Variants in PIM1 observed in about 807,000 individuals in gnomAD.
The protein encoded by PIM1 is serine/threonine-protein kinase pim-1.
A neutral mutation model predicts 34.5 loss-of-function variants in PIM1; 9 were observed. The ratio of observed to expected loss-of-function variants is 0.26; its 90% CI spans 0.16 to 0.46. PIM1 has a LOEUF of 0.46. Ranked by LOEUF, PIM1 falls within the 20% of genes least tolerant of loss-of-function variation. PIM1 has a pLI of 1.00. For missense variants in PIM1, 274 were observed against 410.9 expected, an observed-to-expected ratio of 0.67 and a Z score of 2.88; for synonymous variants, 199 against 175.2, an observed-to-expected ratio of 1.14 and a Z score of -1.07.
chr6:37,171,301 G>C lies in PIM1; in HGVS notation c.417G>C (p.Leu139=). ...ACTTCATCACGGAAAGGGGAGCCCT[G>C]CAAGAGGAGCTGGCCCGCAGCTTCT... ...LFDFITERGA[L]QEELARSFFW... is the part of the protein sequence containing the mutation. The change falls in exon 4 of 6, where the codon CTG becomes CTC. Residue 139 remains leucine, a synonymous_variant. Coordinates refer to ENST00000373509, the MANE Select transcript of PIM1 (RefSeq NM_002648.4). The C allele has an allele frequency of 6.2e-7, 1 of 1,614,166 alleles. No individual in the cohort carries two copies. The highest frequency in any genetic ancestry group is 8.5e-7 in the Non-Finnish European group (1 of 1,180,042).
At chr6:37,171,968 A>G (rs1163116038) in intron 4 of PIM1, among the ~76,000 whole-genome samples, 2 of 151,058 alleles carry the variant, frequency 1.3e-5, no homozygotes, top group African/African-American at 4.9e-5. Context: ...TAGGAACTAT[A>G]TTATTACTGG....
intron 3 of PIM1, 41 bp from the exon 4 acceptor site, chr6:37,171,084 C>G (rs1293617793): frequency 1.9e-6 from 3 of 1,613,626 alleles, no homozygotes; most frequent in Admixed American, 1.7e-5. Context: ...GTGAGGGGCG[C>G]CCCCGACTCC....
At chr6:37,172,947 C>T (rs1458875546) in intron 4 of PIM1, 49 bp from the exon 5 acceptor site, 1 of 1,526,272 alleles carries the variant, frequency 6.6e-7, no homozygotes, top group Admixed American at 1.8e-5. Flanking sequence ...CTTCTTTGTG[C>T]TTGTTTTTGC....
rs774518045 is a variant in PIM1 at position 37,170,579 on chromosome 6, C to T, written c.4C>T (p.Leu2Phe). 2.5e-6 allele frequency: 4 copies of T among 1,613,086 alleles called. No individual in the cohort carries two copies. Among genetic ancestry groups the T allele is most frequent in the Admixed American group, 3.3e-5 (2 of 59,996 alleles). Reference sequence around the variant, plus strand: ...CGCCGACATCCTGGAGGTTGGGATGCTCTTGTCCAAAATCAACTCGCTTGC... The same window carrying T: ...CGCCGACATCCTGGAGGTTGGGATGTTCTTGTCCAAAATCAACTCGCTTGC... M[L>F]LSKINSLAHL... is the part of the protein sequence containing the mutation. The change falls in exon 1 of 6, where the codon CTC becomes TTC. Residue 2 changes from leucine to phenylalanine, a missense_variant. This residue lies in a region of PIM1 where 106 missense variants were observed against 111.5 expected (regional missense o/e 0.95). Transcript: ENST00000373509.
rs1343861789 is a variant in PIM1, at chr6:37,170,391, A to T, written c.-185A>T. The T allele has an allele frequency of 5.2e-6, 8 of 1,524,508 alleles. No homozygotes were observed. Among genetic ancestry groups the T allele is most frequent in the Non-Finnish European group, 7.0e-6 (8 of 1,141,798 alleles). The allele number at this position is 1,524,508 out of a possible 1,614,324, so 94.4% of individuals were successfully genotyped here. A position where few individuals can be genotyped will look rare whatever the true frequency, so the allele number is the denominator to read the frequency against. On this transcript the variant is annotated 5_prime_UTR_variant, in exon 1 of 6. Coordinates refer to ENST00000373509, the MANE Select transcript of PIM1 (RefSeq NM_002648.4). ...GCGCCCTCCCGCCGCCAGTCCCGGC[A>T]GCGCCCTCAGTTGTCCTCCGACTCG...
chr6:37,173,230 T>C (rs1370141600), intron 5 of PIM1, 58 bp downstream of exon 5: 2 of 1,498,178 alleles, frequency 1.3e-6, no homozygotes, highest in Non-Finnish European at 1.8e-6. Context: ...CTATTAGTCT[T>C]CATGGGACAG....
At position 37,170,593 on chromosome 6, in the gene PIM1, C is replaced by A; in HGVS notation, c.18C>A (p.Ile6=). The A allele has an allele frequency of 6.2e-7, 1 of 1,613,110 alleles. No individual in the cohort carries two copies. Among genetic ancestry groups the A allele is most frequent in the East Asian group, 2.2e-5 (1 of 44,822 alleles). The part of the protein sequence containing the change: MLLSK[I]NSLAHLRAAP... ...AGGTTGGGATGCTCTTGTCCAAAAT[C>A]AACTCGCTTGCCCACCTGCGCGCCG... Residue 6 remains isoleucine, a synonymous_variant, in exon 1 of 6, where the codon ATC becomes ATA. Transcript: ENST00000373509.
rs1292085573 is a variant in PIM1, at chr6:37,171,311, C to T, written c.427C>T (p.Leu143=). 1.2e-6 allele frequency: 2 copies of T among 1,614,140 alleles called. No individual in the cohort carries two copies. Among genetic ancestry groups the T allele is most frequent in the Non-Finnish European group, 8.5e-7 (1 of 1,180,032 alleles). ...GGAAAGGGGAGCCCTGCAAGAGGAG[C>T]TGGCCCGCAGCTTCTTCTGGCAGGT... ...ITERGALQEE[L]ARSFFWQVLE... The change falls in exon 4 of 6, where the codon CTG becomes TTG. Residue 143 remains leucine (L), a synonymous_variant. Transcript: ENST00000373509.
At position 37,170,741 on chromosome 6, in the gene PIM1, G is replaced by C. The variant is rs751036505; in HGVS notation, c.83-32G>C. ...TGGGGAGCTGGCGGCTCGCGGGCCGGCACTGAGTCCCCGTGCTTCCCCCTT... is the reference window on the plus strand; with the variant it reads ...TGGGGAGCTGGCGGCTCGCGGGCCGCCACTGAGTCCCCGTGCTTCCCCCTT... On this transcript the variant is annotated intron_variant, in intron 1 of 5. Coordinates refer to ENST00000373509, the MANE Select transcript of PIM1 (RefSeq NM_002648.4). The C allele has an allele frequency of 3.9e-5, 63 of 1,607,724 alleles. No individual in the cohort carries two copies. In the African/African-American group the frequency reaches 6.4e-4, roughly 16 times the overall value.
At chr6:37,171,638 C>T (rs1762288812) in intron 4 of PIM1, 147 bp downstream of exon 4, 3 of 963,352 alleles carry the variant, frequency 3.1e-6, no homozygotes, top group Non-Finnish European at 4.5e-6. Context: ...CGCAGGAGAG[C>T]CTCCCAGCGT....
At position 37,171,346 on chromosome 6, in the gene PIM1, C is replaced by G. The variant is rs746767105; in HGVS notation, c.462C>G (p.Ala154=). 1.2e-6 allele frequency: 2 copies of G among 1,613,918 alleles called. No individual in the cohort carries two copies. The highest frequency in any genetic ancestry group is 1.7e-6 in the Non-Finnish European group (2 of 1,180,024). The change falls in exon 4 of 6, where the codon GCC becomes GCG. Residue 154 remains alanine (A), a synonymous_variant. Coordinates refer to ENST00000373509, the MANE Select transcript of PIM1 (RefSeq NM_002648.4). ...GCTTCTTCTGGCAGGTGCTGGAGGC[C>G]GTGCGGCACTGCCACAACTGCGGGG... ...ARSFFWQVLE[A]VRHCHNCGVL... is the part of the protein sequence containing the mutation.
intron 4 of PIM1, 137 bp downstream of exon 4, chr6:37,171,628 C>A (rs1457034156): frequency 1.3e-5 from 13 of 1,036,484 alleles, no homozygotes; most frequent in Non-Finnish European, 1.8e-5. Flanking sequence ...CGGGGTGGGA[C>A]GCAGGAGAGC....
chr6:37,173,836 C>A, intron 5 of PIM1, 98 bp from the exon 6 acceptor site: 3 of 1,159,106 alleles, frequency 2.6e-6, no homozygotes. Flanking sequence ...TCCCTGGGAC[C>A]CCAGACTTGT....
At chr6:37,173,338 T>C (rs1290784776) in intron 5 of PIM1, among the ~76,000 whole-genome samples, 166 bp downstream of exon 5, 1 of 152,178 alleles carries the variant, frequency 6.6e-6, no homozygotes, top group Non-Finnish European at 1.5e-5. Context: ...GCCTCATAAA[T>C]CACATGGTTT....
rs371274170 is a variant in PIM1, at chr6:37,173,224, T to G, written c.784+52T>G. ...GGGTTATTGGTCTTAATGGGGCTAT[T>G]AGTCTTCATGGGACAGTCTTTGAAA... On this transcript the variant is annotated intron_variant, in intron 5 of 5. Coordinates refer to ENST00000373509, the MANE Select transcript of PIM1 (RefSeq NM_002648.4). The G allele has an allele frequency of 7.2e-6, 11 of 1,531,830 alleles. No homozygotes were observed. The African/African-American group carries it at 1.5e-4, about 21-fold the overall frequency. 94.9% of individuals were successfully genotyped at this position (1,531,830 alleles called of 1,614,324 possible).
Position 37,174,119 on chromosome 6 carries a change from C to G in PIM1, c.*28C>G, listed in dbSNP as rs758114949. 1.3e-6 allele frequency: 2 copies of G among 1,596,292 alleles called. No individual in the cohort carries two copies. The highest frequency in any genetic ancestry group is 1.7e-6 in the Non-Finnish European group (2 of 1,172,004). On this transcript the variant is annotated 3_prime_UTR_variant, in exon 6 of 6. Coordinates refer to ENST00000373509, the MANE Select transcript of PIM1 (RefSeq NM_002648.4). Reference sequence around the variant, plus strand: ...GCCTTTCTGGCAGGTCCTCCCCTCTCTTGTCAGATGCCCGAGGGAGGGGAA... The same window carrying G: ...GCCTTTCTGGCAGGTCCTCCCCTCTGTTGTCAGATGCCCGAGGGAGGGGAA...
In PIM1 at chr6:37,170,258, C is replaced by T. The variant is rs1472202975; in HGVS notation, c.-318C>T. 3.0e-6 allele frequency: 4 copies of T among 1,330,232 alleles called. No individual in the cohort carries two copies. The highest frequency in any genetic ancestry group is 3.9e-6 in the Non-Finnish European group (4 of 1,037,948). 82.4% of individuals were successfully genotyped at this position (1,330,232 alleles called of 1,614,324 possible). ...GCGGCGGCGGGACCGGCAGCAGCAGCAGCAGCAGCAGCAGCAGCAACCACT... is the reference window on the plus strand; with the variant it reads ...GCGGCGGCGGGACCGGCAGCAGCAGTAGCAGCAGCAGCAGCAGCAACCACT... On this transcript the variant is annotated 5_prime_UTR_variant, in exon 1 of 6. Transcript: ENST00000373509.
At chr6:37,171,538 C>G (rs1451868710) in intron 4 of PIM1, 47 bp downstream of exon 4, 1 of 1,588,370 alleles carries the variant, frequency 6.3e-7, no homozygotes, top group African/African-American at 1.3e-5. Context: ...CGGCCCGGCC[C>G]GGCCCAGTCC....
At position 37,174,623 on chromosome 6, in the gene PIM1, G is replaced by T. The variant is rs1762372742; in HGVS notation, c.*532G>T. 4.3e-6 allele frequency: 1 copy of T among 234,070 alleles called. No homozygotes were observed. The highest frequency in any genetic ancestry group is 8.5e-6 in the Non-Finnish European group (1 of 118,336). The allele number at this position is 234,070 out of a possible 1,614,324, so 14.5% of individuals were successfully genotyped here. The stretch of plus-strand genomic sequence containing the variant: ...TTCTCCAAAAATCTGCCTGGGTTTT[G>T]TTCCCTATTTTTCTCTCCTGTCCTC... On this transcript the variant is annotated 3_prime_UTR_variant, in exon 6 of 6. Coordinates refer to ENST00000373509, the MANE Select transcript of PIM1 (RefSeq NM_002648.4).
Sources: allele counts gnomAD v4.1 joint callset (sites outside exome capture counted in the v4.1 genomes callset), GRCh38; gene constraint gnomAD v4.1.1; regional missense constraint gnomAD v4.1.1; transcripts MANE v1.5; gene names NCBI Gene and HGNC (gene_info 2026-07-23, HGNC 2026-07-21).